EXT2: variants seen among roughly 807,000 people sequenced by gnomAD.
EXT2 encodes the protein exostosin glycosyltransferase 2, also known as exostosin-2.
A neutral mutation model predicts 81.6 loss-of-function variants in EXT2; 53 were observed. That is an observed-to-expected ratio of 0.65 (90% confidence interval 0.52 to 0.82). The LOEUF (loss-of-function observed/expected upper bound fraction) is 0.82. Among genes scored for constraint, EXT2 ranks in the 40% least tolerant of loss-of-function variants. The pLI is 0.00. For missense variants in EXT2, 774 were observed against 910.2 expected (o/e 0.85, Z 1.93); for synonymous variants, 320 against 340.0 (o/e 0.94, Z 0.65).
In EXT2 at chr11:44,106,896, T is replaced by C. The variant is rs1474583896; in HGVS notation, c.-30-787T>C. 2.0e-5 allele frequency among the ~76,000 whole-genome samples: 3 copies of C among 152,250 alleles called. No individual in the cohort carries two copies. The East Asian group carries it at 5.8e-4, about 29-fold the overall frequency. On this transcript the variant is annotated intron_variant, in intron 1 of 13. Transcript: ENST00000533608. ...CACCCATCTTGGCCTCCCAAGGTGC[T>C]GGGATTATAGACGTGAGCCACCGCA...
At chr11:44,138,932 C>G (rs1954607462) in intron 7 of EXT2, among the ~76,000 whole-genome samples, 1 of 152,148 alleles carries the variant, frequency 6.6e-6, no homozygotes, top group Non-Finnish European at 1.5e-5. Flanking sequence ...CCTCCTGGGG[C>G]AGCATTTAAG....
chr11:44,214,999 A>C (rs916840102), intron 10 of EXT2, among the ~76,000 whole-genome samples: 1 of 152,006 alleles, frequency 6.6e-6, no homozygotes, highest in African/African-American at 2.4e-5. Flanking sequence ...GGTTTCAAGC[A>C]ATCCTCCTGC....
intron 7 of EXT2, among the ~76,000 whole-genome samples, chr11:44,166,213 G>A (rs189550979): frequency 1.3e-5 from 2 of 152,338 alleles, no homozygotes; most frequent in Admixed American, 6.5e-5. Context: ...GGCAAAGGCT[G>A]TAAGGGCTAA....
At chr11:44,235,642 TTA>T (rs1322833791) in intron 12 of EXT2, among the ~76,000 whole-genome samples, 1 of 152,192 alleles carries the variant, frequency 6.6e-6, no homozygotes, top group Non-Finnish European at 1.5e-5. Context: ...TAGCCTAGAC[TTA>T]GTTATCTAGC....
chr11:44,127,803 C>CT (rs2135023040), intron 6 of EXT2, among the ~76,000 whole-genome samples: 2 of 152,220 alleles, frequency 1.3e-5, no homozygotes, highest in South Asian at 4.1e-4. Context: ...GGTCTAGAGT[C>CT]TATTGAATTT....
chr11:44,145,114 TC>T (rs1382694129), intron 7 of EXT2, among the ~76,000 whole-genome samples: 1 of 152,044 alleles, frequency 6.6e-6, no homozygotes, highest in Admixed American at 6.6e-5. Context: ...TGGATTGTCC[TC>T]CCGCATCTGC....
intron 8 of EXT2, among the ~76,000 whole-genome samples, chr11:44,197,100 C>G (rs547319573): frequency 6.6e-6 from 1 of 152,276 alleles, no homozygotes; most frequent in South Asian, 2.1e-4. Flanking sequence ...TTTTCCTCTC[C>G]TCTGTGCCTG....
intron 8 of EXT2, among the ~76,000 whole-genome samples, chr11:44,195,419 TG>T (rs1955443804): frequency 7.3e-6 from 1 of 137,006 alleles, no homozygotes; most frequent in Non-Finnish European, 1.6e-5. Context: ...GGGCAACGAG[TG>T]AAACTCTGTC....
chr11:44,126,244 A>G (rs1161988327), intron 5 of EXT2, among the ~76,000 whole-genome samples: 1 of 152,188 alleles, frequency 6.6e-6, no homozygotes, highest in Non-Finnish European at 1.5e-5. Context: ...TTTTTTATAG[A>G]ACATATTAGT....
intron 13 of EXT2, among the ~76,000 whole-genome samples, chr11:44,243,399 G>A (rs990191490): frequency 1.2e-4 from 18 of 152,108 alleles, no homozygotes; most frequent in African/African-American, 3.9e-4. Flanking sequence ...CTCCTCTGGC[G>A]GTGCTGTGCT....
At chr11:44,118,225 A>G (rs1954250146) in intron 4 of EXT2, among the ~76,000 whole-genome samples, 1 of 152,170 alleles carries the variant, frequency 6.6e-6, no homozygotes, top group Admixed American at 6.5e-5. Context: ...TATGGAGTTA[A>G]TTACGGGTTT....
At chr11:44,112,217 G>A (rs777188474) in intron 3 of EXT2, among the ~76,000 whole-genome samples, 7 of 152,182 alleles carry the variant, frequency 4.6e-5, no homozygotes, top group Non-Finnish European at 7.3e-5. Flanking sequence ...AGAACACTGG[G>A]TTAGGGAGGG....
chr11:44,212,260 G>A (rs550352379), intron 10 of EXT2, among the ~76,000 whole-genome samples: 5 of 151,166 alleles, frequency 3.3e-5, no homozygotes, highest in African/African-American at 9.7e-5. Context: ...ACTACAGCCC[G>A]GGCGACAGTG....
At chr11:44,185,755 A>G (rs999444707) in intron 8 of EXT2, among the ~76,000 whole-genome samples, 1 of 152,126 alleles carries the variant, frequency 6.6e-6, no homozygotes, top group Non-Finnish European at 1.5e-5. Context: ...ATAAGCTGTA[A>G]TTTAATCACT....
intron 7 of EXT2, among the ~76,000 whole-genome samples, chr11:44,137,364 AAGTTACTTTCCCTGGC>A (rs1413462334): frequency 6.6e-6 from 1 of 152,190 alleles, no homozygotes; most frequent in East Asian, 1.9e-4. Context: ...AGAGACCATA[AAGTTACTTTCCCTGGC>A]AGCCTTGGTC....
chr11:44,175,456 C>T (rs1565222669), intron 8 of EXT2, among the ~76,000 whole-genome samples: 1 of 151,210 alleles, frequency 6.6e-6, no homozygotes, highest in African/African-American at 2.4e-5. Flanking sequence ...TCAATCCTTC[C>T]TCTGTGTGCC....
rs368444550 is a variant in EXT2 at position 44,234,239 on chromosome 11, T to G, written c.1931T>G (p.Ile644Ser). The G allele has an allele frequency of 1.9e-6, 3 of 1,613,872 alleles. No homozygotes were observed. The highest frequency in any genetic ancestry group is 2.5e-6 in the Non-Finnish European group (3 of 1,179,944). Residue 644 changes from isoleucine (I) to serine (S), a missense_variant, in exon 12 of 14, where the codon ATC becomes AGC. Ile to Ser is a moderately radical substitution (Grantham distance 142, BLOSUM62 -2). Around this residue, in one of 2 missense-constraint regions of EXT2, gnomAD observed 148 missense variants for 239.7 expected, o/e 0.62. Coordinates refer to ENST00000533608, the MANE Select transcript of EXT2 (RefSeq NM_207122.2). The stretch of plus-strand genomic sequence containing the variant: ...GCCAACGTCACGGGAAAAGCAGTTA[T>G]CAAGGTAGGAGGCTCTGCCACTCAC... ...LVANVTGKAV[I>S]KVTPRKKFKC...
intron 8 of EXT2, among the ~76,000 whole-genome samples, chr11:44,177,242 A>T (rs1231273683): frequency 2.6e-5 from 4 of 152,192 alleles, no homozygotes; most frequent in African/African-American, 9.7e-5. Context: ...TAATTTTCTT[A>T]GCTGTTCATG....
intron 4 of EXT2, among the ~76,000 whole-genome samples, chr11:44,121,133 A>C (rs1346211571): frequency 6.6e-6 from 1 of 152,238 alleles, no homozygotes; most frequent in African/African-American, 2.4e-5. Flanking sequence ...GGAATGTTCA[A>C]GCCCTAGTGG....
Sources: gnomAD v4.1 joint callset for allele counts (sites outside exome capture counted in the v4.1 genomes callset) on GRCh38, gnomAD v4.1.1 for gene constraint, gnomAD v4.1.1 regional missense constraint, MANE v1.5 for transcripts, NCBI Gene and HGNC (gene_info 2026-07-23, HGNC 2026-07-21) for gene names.